REXO1: variants seen among roughly 807,000 people sequenced by gnomAD.
The protein encoded by REXO1 is RNA exonuclease 1 homolog, also known as REX1, RNA exonuclease 1 homolog.
A neutral mutation model predicts 102.6 loss-of-function variants in REXO1; 42 were observed. The ratio of observed to expected loss-of-function variants is 0.41; its 90% CI spans 0.32 to 0.53. The LOEUF (loss-of-function observed/expected upper bound fraction) is 0.53. Ranked by LOEUF, REXO1 falls within the 20% of genes least tolerant of loss-of-function variation. REXO1 has a pLI of 0.27. For synonymous variants in REXO1, 908 were observed against 779.1 expected (o/e 1.17, Z -2.76); for missense variants, 1,819 against 1,732.5 (o/e 1.05, Z -0.89).
chr19:1,819,901 C>A (rs1249604343), intron 7 of REXO1, 33 bp downstream of exon 7: 1 of 1,536,262 alleles, frequency 6.5e-7, no homozygotes, highest in Admixed American at 2.2e-5. Flanking sequence ...AAGAGCAACC[C>A]TGAGCCTCCC....
chr19:1,823,885 C>T (rs2069626951), intron 3 of REXO1, 100 bp from the exon 4 acceptor site: 6 of 465,476 alleles, frequency 1.3e-5, no homozygotes, highest in Non-Finnish European at 2.1e-5. Context: ...GCTCGGGGGC[C>T]GGAGGCACCA....
rs143686982 is a variant in REXO1 at position 1,823,732 on chromosome 19, C to T, written c.2070G>A (p.Ala690=). The T allele has an allele frequency of 5.3e-4, 667 of 1,266,322 alleles. 2 individuals are homozygous for T. In the African/African-American group the frequency reaches 9.0e-3, roughly 17 times the overall value. 78.4% of individuals were successfully genotyped at this position (1,266,322 alleles called of 1,614,324 possible). ...PAVPPARPPT[A]QEVCYLRAQQ... ...GGGCCCGCAGGTAGCACACCTCCTG[C>T]GCCGTCGGGGGCCGGGCCGGGGGCA... Residue 690 remains alanine, a synonymous_variant, in exon 4 of 16, where the codon GCG becomes GCA. Transcript: ENST00000170168.
In REXO1 at chr19:1,820,730, C is replaced by T. The variant is rs142743653; in HGVS notation, c.2395-335G>A. ...AAACAAGGCCAAGCGTGGTGGCTCA[C>T]GCCTATAATCCCAGCACTTTGGGAG... On this transcript the variant is annotated intron_variant, in intron 5 of 15. Transcript: ENST00000170168. Among the ~76,000 whole-genome samples the T allele has an allele frequency of 7.9e-3, 1,204 of 152,340 alleles. 10 individuals are homozygous for T. The highest frequency in any genetic ancestry group is 0.014 in the Middle Eastern group (4 of 294).
chr19:1,829,621 C>T (rs1000372648), intron 1 of REXO1, among the ~76,000 whole-genome samples: 4 of 152,074 alleles, frequency 2.6e-5, no homozygotes, highest in African/African-American at 4.8e-5. Context: ...CCAGCCAGAC[C>T]GACATGGAGA....
intron 1 of REXO1, among the ~76,000 whole-genome samples, chr19:1,839,699 G>A (rs1456381099): frequency 1.3e-5 from 2 of 152,228 alleles, no homozygotes; most frequent in Non-Finnish European, 2.9e-5. Context: ...CAGCCTGCAG[G>A]GCACAAAGGG....
intron 5 of REXO1, 124 bp downstream of exon 5, chr19:1,821,395 C>A (rs913491662): frequency 7.7e-6 from 8 of 1,034,870 alleles, no homozygotes; most frequent in Non-Finnish European, 1.2e-5. Flanking sequence ...GAAGGCTGTA[C>A]TGCGGTGTGG....
intron 1 of REXO1, among the ~76,000 whole-genome samples, chr19:1,842,369 G>A (rs970865034): frequency 3.9e-5 from 6 of 152,226 alleles, no homozygotes; most frequent in Admixed American, 2.6e-4. Context: ...CAGTGCCCCT[G>A]GCCTCTGCCC....
intron 5 of REXO1, among the ~76,000 whole-genome samples, chr19:1,821,226 T>C (rs1459105419): frequency 1.3e-5 from 2 of 151,366 alleles, no homozygotes; most frequent in Non-Finnish European, 2.9e-5. Flanking sequence ...GCGCCTGTAG[T>C]CCCAGCTACT....
At position 1,826,774 on chromosome 19, in the gene REXO1, C is replaced by G; in HGVS notation, c.1911+104G>C. Reference sequence around the variant, plus strand: ...CCAGCACTGAGGAGCTGCCTCCACCCCGTGCCTCCGAGCCAACTGGAAACC... The same window carrying G: ...CCAGCACTGAGGAGCTGCCTCCACCGCGTGCCTCCGAGCCAACTGGAAACC... On this transcript the variant is annotated intron_variant, in intron 2 of 15. Coordinates refer to ENST00000170168, the MANE Select transcript of REXO1 (RefSeq NM_020695.4). This position sits in a 1 kb window ranked among gnomAD's most constrained non-coding sequence, Gnocchi z 4.3. 5 of 1,498,656 alleles carry G rather than the reference C, an allele frequency of 3.3e-6. No homozygotes were observed. Among genetic ancestry groups the G allele is most frequent in the Non-Finnish European group, 4.4e-6 (5 of 1,128,690 alleles). The allele number at this position is 1,498,656 out of a possible 1,614,324, so 92.8% of individuals were successfully genotyped here. A position where few individuals can be genotyped will look rare whatever the true frequency, so the allele number is the denominator to read the frequency against.
intron 1 of REXO1, among the ~76,000 whole-genome samples, chr19:1,843,426 C>T (rs2145335664): frequency 6.6e-6 from 1 of 152,322 alleles, no homozygotes; most frequent in Middle Eastern, 3.4e-3. Context: ...CTGGTTGTCA[C>T]CACTGGGGTC....
Position 1,828,476 on chromosome 19 carries a change from C to G in REXO1, c.313G>C (p.Glu105Gln), listed in dbSNP as rs1319355389. The change falls in exon 2 of 16, where the codon GAG (glutamate) becomes CAG (glutamine). Residue 105 changes from glutamate (E) to glutamine (Q), a missense_variant. Glu to Gln is a conservative substitution (Grantham distance 29). Transcript: ENST00000170168. Reference sequence around the variant, plus strand: ...AGCAGCTCCCGGTAGCGCCGCTGCTCCAGCTCCACCTCACTGCGCACGGCC... The same window carrying G: ...AGCAGCTCCCGGTAGCGCCGCTGCTGCAGCTCCACCTCACTGCGCACGGCC... ...IEAVRSEVEL[E>Q]QRRYRELLET... The G allele has an allele frequency of 6.2e-7, 1 of 1,606,334 alleles. No homozygotes were observed. Among genetic ancestry groups the G allele is most frequent in the Admixed American group, 1.7e-5 (1 of 59,972 alleles).
intron 5 of REXO1, 77 bp from the exon 6 acceptor site, chr19:1,820,472 C>T (rs1024434907): frequency 2.6e-5 from 40 of 1,553,522 alleles, no homozygotes; most frequent in Admixed American, 5.5e-5. Context: ...GCGATGAGGC[C>T]GTGCCCATGG....
chr19:1,840,433 T>A (rs1324717949), intron 1 of REXO1, among the ~76,000 whole-genome samples: 1 of 152,038 alleles, frequency 6.6e-6, no homozygotes, highest in Non-Finnish European at 1.5e-5. Context: ...TGGGGACAGA[T>A]GAGACAGCAT....
At chr19:1,842,441 C>G (rs542256060) in intron 1 of REXO1, among the ~76,000 whole-genome samples, 2 of 152,246 alleles carry the variant, frequency 1.3e-5, no homozygotes, top group Non-Finnish European at 2.9e-5. Context: ...CTAACATTCC[C>G]AAGGTGCAGA....
At chr19:1,832,914 C>CAAA (rs71174388) in intron 1 of REXO1, among the ~76,000 whole-genome samples, 62 of 75,870 alleles carry the variant, frequency 8.2e-4, no homozygotes, top group African/African-American at 3.0e-3. Context: ...GACTCTGTCT[C>CAAA]AAAAAAAAAA....
chr19:1,817,839 G>T, intron 10 of REXO1, 59 bp from the exon 11 acceptor site: 1 of 1,408,336 alleles, frequency 7.1e-7, no homozygotes, highest in Non-Finnish European at 9.9e-7. Flanking sequence ...CAGCCCCCGG[G>T]GCACTGACCA....
At chr19:1,843,932 G>A (rs2011418313) in intron 1 of REXO1, among the ~76,000 whole-genome samples, 2 of 152,228 alleles carry the variant, frequency 1.3e-5, no homozygotes, top group African/African-American at 4.8e-5. Flanking sequence ...CCTCTGCAGC[G>A]AGGCGCCATT....
chr19:1,838,274 G>A (rs920401044), intron 1 of REXO1, among the ~76,000 whole-genome samples: 10 of 146,954 alleles, frequency 6.8e-5, no homozygotes, highest in East Asian at 2.0e-4. Context: ...CTGAGATGGC[G>A]CCACCGCACT....
chr19:1,837,346 T>G (rs1362817938), intron 1 of REXO1, among the ~76,000 whole-genome samples: 2 of 152,120 alleles, frequency 1.3e-5, no homozygotes, highest in African/African-American at 4.8e-5. Flanking sequence ...TCCTTGGACA[T>G]GCGGGCGCCC....
Sources: allele counts gnomAD v4.1 joint callset (sites outside exome capture counted in the v4.1 genomes callset), GRCh38; gene constraint gnomAD v4.1.1; non-coding constraint Gnocchi (gnomAD v3.1); transcripts MANE v1.5; gene names NCBI Gene and HGNC (gene_info 2026-07-23, HGNC 2026-07-21).